COQ6: variants seen among roughly 807,000 people sequenced by gnomAD.
COQ6 encodes ubiquinone biosynthesis monooxygenase COQ6, mitochondrial.
A neutral mutation model predicts 55.5 loss-of-function variants in COQ6; 45 were observed. The observed-to-expected ratio is 0.81, with a 90% CI of 0.64 to 1.04. The LOEUF (loss-of-function observed/expected upper bound fraction) is 1.04, where lower values mean the gene tolerates loss of function less well. Among genes scored for constraint, COQ6 ranks in the 50% least tolerant of loss-of-function variants. The pLI is 0.00. For missense variants in COQ6, 550 were observed against 601.3 expected (o/e 0.91, Z 0.89); for synonymous variants, 206 against 230.5 (o/e 0.89, Z 0.96).
chr14:73,950,218 T>C (rs758909721), upstream of COQ6: 47 of 1,540,626 alleles, frequency 3.1e-5, no homozygotes, highest in African/African-American at 5.1e-4. Context: ...CCGCGCATTT[T>C]ATTTCCGGTT....
Position 73,953,520 on chromosome 14 carries a change from C to T in COQ6, c.249C>T (p.Tyr83=), listed in dbSNP as rs1178469812. The T allele has an allele frequency of 1.2e-6, 2 of 1,614,166 alleles. No homozygotes were observed. Among genetic ancestry groups the T allele is most frequent in the Non-Finnish European group, 1.7e-6 (2 of 1,180,016 alleles). Residue 83 remains tyrosine, a synonymous_variant, in exon 2 of 12, where the codon TAC becomes TAT. Coordinates refer to ENST00000334571, the MANE Select transcript of COQ6 (RefSeq NM_182476.3). ...KKVLEKLSET[Y]SNRVSSISPG... ...TACTGGAGAAATTGTCAGAAACTTA[C>T]AGCAACAGGGTCAGCTCCATTTCCC...
chr14:73,958,461 G>T, intron 5 of COQ6, 184 bp downstream of exon 5: 1 of 1,459,392 alleles, frequency 6.9e-7, no homozygotes, highest in Non-Finnish European at 9.1e-7. Context: ...TGTACAGGGA[G>T]CAATCTCATG....
chr14:73,959,663 G>A (rs1268793586), intron 8 of COQ6, 141 bp downstream of exon 8: 28 of 1,457,644 alleles, frequency 1.9e-5, no homozygotes, highest in East Asian at 7.4e-5. Context: ...TCCGCCTCCC[G>A]GGTTCAAGCG....
chr14:73,961,099 G>A, intron 8 of COQ6, 74 bp from the exon 9 acceptor site: 1 of 1,512,886 alleles, frequency 6.6e-7, no homozygotes, highest in Non-Finnish European at 9.0e-7. Context: ...TTACAAACAA[G>A]GTTTCTTTAT....
chr14:73,950,137 G>C, upstream of COQ6: 1 of 1,596,660 alleles, frequency 6.3e-7, no homozygotes, highest in Non-Finnish European at 8.5e-7. Flanking sequence ...GCGTCTGGTT[G>C]GCTTCCAGGG....
At chr14:73,951,034 G>A (rs1335524652) in intron 1 of COQ6, among the ~76,000 whole-genome samples, 1 of 152,184 alleles carries the variant, frequency 6.6e-6, no homozygotes, top group African/African-American at 2.4e-5. Context: ...GTCTTCCGCT[G>A]TGCCCAGGCT....
intron 8 of COQ6, chr14:73,960,706 C>T (rs1594811136): frequency 1.7e-6 from 1 of 578,818 alleles, no homozygotes; most frequent in East Asian, 7.9e-5. Context: ...AATCTCCGTA[C>T]AGTGATAGAA....
At chr14:73,957,562 T>C (rs62006131) in intron 4 of COQ6, among the ~76,000 whole-genome samples, 61,366 of 152,008 alleles carry the variant, frequency 0.4, 13,430 homozygotes, top group South Asian at 0.5. Context: ...CTCAGCCTCC[T>C]GACTAACTGG....
intron 4 of COQ6, among the ~76,000 whole-genome samples, chr14:73,957,233 GA>G (rs1157222885): frequency 6.6e-6 from 1 of 151,994 alleles, no homozygotes; most frequent in African/African-American, 2.4e-5. Flanking sequence ...GAGTAGCTGG[GA>G]CTATAGGCGC....
At position 73,961,315 on chromosome 14, in the gene COQ6, T is replaced by C. The variant is rs763717145; in HGVS notation, c.1034T>C (p.Leu345Pro). The change falls in exon 9 of 12, where the codon CTG (leucine) becomes CCG (proline). Residue 345 changes from leucine to proline, a missense_variant. Coordinates refer to ENST00000334571, the MANE Select transcript of COQ6 (RefSeq NM_182476.3). The stretch of plus-strand genomic sequence containing the variant: ...AGGGTGGATGCCAAAAGCCGAGTTC[T>C]GTTTCCTCTTGGGTTGGGACATGCT... Reference protein sequence around the residue: ...VARVDAKSRVLFPLGLGHAAE... With the variant: ...VARVDAKSRVPFPLGLGHAAE... 1.2e-6 allele frequency: 2 copies of C among 1,614,210 alleles called. No homozygotes were observed. The highest frequency in any genetic ancestry group is 2.2e-5 in the East Asian group (1 of 44,876).
intron 4 of COQ6, chr14:73,956,143 T>TGAA (rs1216774746): frequency 2.0e-6 from 1 of 493,870 alleles, no homozygotes; most frequent in Admixed American, 2.9e-5. Context: ...GCTAACATGG[T>TGAA]GAAACCCTGT....
Position 73,961,874 on chromosome 14 carries a change from C to T in COQ6, c.1348C>T (p.Gln450Ter), listed in dbSNP as rs778072498. Residue 450 changes from glutamine (Q) to a stop codon, truncating the protein, a stop_gained, in exon 11 of 12, where the codon CAG (glutamine) becomes TAG (stop). Coordinates refer to ENST00000334571, the MANE Select transcript of COQ6 (RefSeq NM_182476.3). LOFTEE classifies it high-confidence loss of function. Reference sequence around the variant, plus strand: ...TGTGTTGCTCAGGACGTGGGGCTTGCAGGCCACAAATGCAGTGTCTCCACT... The same window carrying T: ...TGTGTTGCTCAGGACGTGGGGCTTGTAGGCCACAAATGCAGTGTCTCCACT... ...PLVLLRTWGLQATNAVSPLKE... is the reference protein window; with the variant it reads ...PLVLLRTWGL 5 of 1,614,172 alleles carry T rather than the reference C, an allele frequency of 3.1e-6. No homozygotes were observed. In the South Asian group the frequency reaches 4.4e-5, roughly 14 times the overall value.
At chr14:73,950,235 A>C (rs147905999), upstream of COQ6, 8 of 1,538,498 alleles carry the variant, frequency 5.2e-6, no homozygotes, top group African/African-American at 1.1e-4. Context: ...GGTTCTGAGG[A>C]CGCCGCGGAA....
At chr14:73,954,986 C>T (rs1408652418) in intron 2 of COQ6, among the ~76,000 whole-genome samples, 84 of 122,044 alleles carry the variant, frequency 6.9e-4, no homozygotes, top group Non-Finnish European at 2.3e-4. Context: ...GAGTCTCGCT[C>T]TGTTGCCCAG....
upstream of COQ6, chr14:73,950,285 G>A (rs1301768853): frequency 2.6e-6 from 4 of 1,540,706 alleles, no homozygotes; most frequent in Non-Finnish European, 3.5e-6. Flanking sequence ...GACGCACTAC[G>A]TAGGTGGGCC....
chr14:73,958,652 A>G (rs2056559262), intron 5 of COQ6: 1 of 1,304,084 alleles, frequency 7.7e-7, no homozygotes, highest in African/African-American at 1.5e-5. Context: ...CTAACCCTAC[A>G]TCAGAACTAT....
intron 5 of COQ6, 146 bp from the exon 6 acceptor site, chr14:73,958,825 C>T: frequency 2.0e-6 from 3 of 1,535,196 alleles, no homozygotes; most frequent in African/African-American, 1.4e-5. Context: ...GGCTCCACCT[C>T]TAGGGGCTGT....
rs765776959 is a variant in COQ6, at chr14:73,958,137, A to G, written c.482-10A>G. 1 of 1,611,748 alleles carries G rather than the reference A, an allele frequency of 6.2e-7. No homozygotes were observed. The highest frequency in any genetic ancestry group is 1.7e-5 in the Admixed American group (1 of 59,844). ...TTCTAATTTTTTTTCCTCTCTTTTG[A>G]CCTCCCCAGACCGAGTGACGGTTCT... On this transcript the variant is annotated splice_polypyrimidine_tract_variant and intron_variant, in intron 4 of 11. Transcript: ENST00000334571.
chr14:73,949,949 GGGC>G, upstream of COQ6: 1 of 1,612,630 alleles, frequency 6.2e-7, no homozygotes, highest in Non-Finnish European at 8.5e-7. Context: ...CCTTTCCCGG[GGGC>G]AGTCTCTTTT....
Sources: allele counts gnomAD v4.1 joint callset (sites outside exome capture counted in the v4.1 genomes callset), GRCh38; gene constraint gnomAD v4.1.1; transcripts MANE v1.5; gene names NCBI Gene and HGNC (gene_info 2026-07-23, HGNC 2026-07-21).